MTCL2: variants seen among roughly 807,000 people sequenced by gnomAD.
The protein encoded by MTCL2 is microtubule crosslinking factor 2.
At chr20:36,803,222 C>A in the MTCL2 span, 48 of 1,435,322 alleles carry the variant, frequency 3.3e-5, no homozygotes, top group Non-Finnish European at 4.3e-5. Flanking sequence ...CCTCAGAAGA[C>A]CCCTCACTAG....
the MTCL2 span, among the ~76,000 whole-genome samples, chr20:36,827,495 A>G: frequency 6.7e-6 from 1 of 149,008 alleles, no homozygotes. Flanking sequence ...CCACACCTGG[A>G]TAATTTTTGC....
the MTCL2 span, among the ~76,000 whole-genome samples, chr20:36,818,925 A>G: frequency 4.3e-4 from 65 of 152,368 alleles, no homozygotes; most frequent in African/African-American, 1.5e-3. Flanking sequence ...ATGGCACATG[A>G]AGACATCAAG....
the MTCL2 span, among the ~76,000 whole-genome samples, chr20:36,841,878 T>G: frequency 1.7e-3 from 130 of 76,532 alleles, no homozygotes; most frequent in Middle Eastern, 7.7e-3. Context: ...GGGTGGGGTG[T>G]GTGTGTGTGT....
chr20:36,857,890 A>G, the MTCL2 span, among the ~76,000 whole-genome samples: 2 of 152,248 alleles, frequency 1.3e-5, no homozygotes, highest in South Asian at 2.1e-4. Flanking sequence ...GCGTCCTCAC[A>G]TTGAAAAGGG....
the MTCL2 span, chr20:36,815,136 G>C: frequency 6.3e-7 from 1 of 1,591,402 alleles, no homozygotes; most frequent in Non-Finnish European, 8.6e-7. The surrounding 1 kb of genome is among the most constrained non-coding windows in gnomAD (Gnocchi z 5.3). Flanking sequence ...CTGAAAGTCT[G>C]AGCCAAGGTC....
chr20:36,794,679 T>C, the MTCL2 span: 1 of 1,584,764 alleles, frequency 6.3e-7, no homozygotes, highest in Non-Finnish European at 8.6e-7. The surrounding 1 kb of genome is among the most constrained non-coding windows in gnomAD (Gnocchi z 5.4). Flanking sequence ...CCCTGGTCCG[T>C]GTGCTGCGTG....
the MTCL2 span, among the ~76,000 whole-genome samples, chr20:36,824,628 A>G: frequency 1.4e-4 from 21 of 148,682 alleles, 1 homozygote; most frequent in South Asian, 1.7e-3. Flanking sequence ...TCACTAAATT[A>G]TACACTTTTA....
At chr20:36,808,425 G>T in the MTCL2 span, 2 of 1,070,814 alleles carry the variant, frequency 1.9e-6, no homozygotes. Context: ...GTGAGCCTAG[G>T]AGTTGTGTCA....
At chr20:36,804,948 G>C in the MTCL2 span, 1 of 1,591,032 alleles carries the variant, frequency 6.3e-7, no homozygotes, top group South Asian at 1.1e-5. Flanking sequence ...CTGTGGGGTA[G>C]GGAGGGGAAC....
the MTCL2 span, among the ~76,000 whole-genome samples, chr20:36,806,812 A>T: frequency 1.3e-5 from 2 of 152,118 alleles, no homozygotes; most frequent in Admixed American, 6.5e-5. Flanking sequence ...GAGCCACTGC[A>T]CCTAGCCAAT....
chr20:36,785,570 G>A, the MTCL2 span: 1 of 985,420 alleles, frequency 1.0e-6, no homozygotes, highest in Non-Finnish European at 1.2e-6. Flanking sequence ...GCTGCAGGAT[G>A]TAAACACAGT....
At chr20:36,838,032 G>A in the MTCL2 span, among the ~76,000 whole-genome samples, 1 of 151,660 alleles carries the variant, frequency 6.6e-6, no homozygotes, top group Non-Finnish European at 1.5e-5. Flanking sequence ...ACCAACTCTA[G>A]GCCTTCACTA....
the MTCL2 span, among the ~76,000 whole-genome samples, chr20:36,832,940 G>A: frequency 3.9e-5 from 6 of 152,202 alleles, no homozygotes; most frequent in Non-Finnish European, 8.8e-5. Context: ...GAGCCTCAGT[G>A]GTCCTGGGCC....
the MTCL2 span, chr20:36,778,096 G>A: frequency 2.6e-6 from 1 of 386,754 alleles, no homozygotes; most frequent in African/African-American, 2.1e-5. Flanking sequence ...ACCAAGACAA[G>A]TGAGAGAGGT....
chr20:36,842,373 T>C, the MTCL2 span, among the ~76,000 whole-genome samples: 1 of 151,962 alleles, frequency 6.6e-6, no homozygotes, highest in Non-Finnish European at 1.5e-5. Flanking sequence ...GCAGAAGAAA[T>C]GCATAATTAT....
At chr20:36,793,518 G>A in the MTCL2 span, 1 of 1,551,576 alleles carries the variant, frequency 6.4e-7, no homozygotes, top group African/African-American at 1.4e-5. This position sits in a 1 kb window ranked among gnomAD's most constrained non-coding sequence, Gnocchi z 6.8. Context: ...TACTTGGGAG[G>A]CTCGGGCTTG....
chr20:36,829,366 C>CA, the MTCL2 span, among the ~76,000 whole-genome samples: 2 of 152,094 alleles, frequency 1.3e-5, no homozygotes, highest in African/African-American at 4.8e-5. Context: ...CAAACTGAGG[C>CA]ACAAAGAGAC....
chr20:36,810,717 C>CCTCTCCCTCTCT, the MTCL2 span, among the ~76,000 whole-genome samples: 1 of 94,270 alleles, frequency 1.1e-5, no homozygotes, highest in East Asian at 3.1e-4. Flanking sequence ...TCTCTCTCTC[C>CCTCTCCCTCTCT]CTCTCTCTCT....
At chr20:36,836,588 T>TGC in the MTCL2 span, among the ~76,000 whole-genome samples, 1 of 151,682 alleles carries the variant, frequency 6.6e-6, no homozygotes, top group African/African-American at 2.4e-5. Context: ...AGGTGATCCA[T>TGC]CCGCCTCGGC....
Sources: allele counts gnomAD v4.1 joint callset (sites outside exome capture counted in the v4.1 genomes callset), GRCh38; gene constraint gnomAD v4.1.1; non-coding constraint Gnocchi (gnomAD v3.1); transcripts MANE v1.5; gene names NCBI Gene and HGNC (gene_info 2026-07-23, HGNC 2026-07-21).